The following MADD variants were observed in gnomAD, a reference collection of about 807,000 sequenced individuals.
MADD encodes the protein MAP kinase activating death domain.
A neutral mutation model predicts 176.7 loss-of-function variants in MADD; 109 were observed. The observed-to-expected ratio is 0.62, with a 90% CI of 0.53 to 0.72. The LOEUF is 0.72. MADD is among the 30% of genes least tolerant of loss of function. MADD has a pLI of 0.00. For synonymous variants in MADD, 771 were observed against 771.3 expected (o/e 1.00, Z 0.01); for missense variants, 1,914 against 2,045.5 (o/e 0.94, Z 1.24).
exon 3 of MADD, chr11:47,274,921 T>C: frequency 6.2e-7 from 1 of 1,613,908 alleles, no homozygotes; most frequent in Non-Finnish European, 8.5e-7. Flanking sequence ...GAGTGGCTCA[T>C]CCCTGCAGCC....
At chr11:47,280,470 A>T (rs1222287185) in intron 7 of MADD, among the ~76,000 whole-genome samples, 2 of 151,576 alleles carry the variant, frequency 1.3e-5, no homozygotes, top group African/African-American at 4.8e-5. Context: ...AGCTGCCTTC[A>T]CTTGCTGTGT....
chr11:47,269,602 G>A (rs980878863), upstream of MADD: 27 of 152,180 alleles, frequency 1.8e-4, no homozygotes, highest in African/African-American at 6.3e-4. Context: ...CGGGCGCCGC[G>A]GCGCGGCCAC....
At position 47,329,975 on chromosome 11, in the gene MADD, C is replaced by T. The variant is rs1379284203; in HGVS notation, c.*825C>T. 3 of 152,660 alleles carry T rather than the reference C, an allele frequency of 2.0e-5. No homozygotes were observed. The East Asian group carries it at 5.8e-4, about 29-fold the overall frequency. The allele number at this position is 152,660 out of a possible 1,614,324, so 9.5% of individuals were successfully genotyped here. On this transcript the variant is annotated 3_prime_UTR_variant, in exon 33 of 33. Transcript: ENST00000402192. ...AATGACTGTAAATATTTCAGCCCCACATTATTTATAGAAAATGTACAGTTG... is the reference window on the plus strand; with the variant it reads ...AATGACTGTAAATATTTCAGCCCCATATTATTTATAGAAAATGTACAGTTG...
chr11:47,276,385 CAT>C (rs2049886199), intron 4 of MADD, among the ~76,000 whole-genome samples, 183 bp downstream of exon 4: 1 of 152,204 alleles, frequency 6.6e-6, no homozygotes, highest in African/African-American at 2.4e-5. Context: ...ATACTGGTAT[CAT>C]GTGGGATGTA....
intron 20 of MADD, among the ~76,000 whole-genome samples, chr11:47,294,430 G>A (rs2068609900): frequency 1.3e-5 from 2 of 151,700 alleles, no homozygotes; most frequent in South Asian, 2.1e-4. Context: ...TTGGGAGGCC[G>A]AGGCAGGTGG....
chr11:47,286,409 G>A (rs369816782), intron 14 of MADD, 24 bp from the exon 15 acceptor site: 20 of 1,531,236 alleles, frequency 1.3e-5, no homozygotes, highest in Admixed American at 1.0e-4. Context: ...CCAAGTCATC[G>A]CTCTTGCACC....
At chr11:47,315,352 C>A in intron 27 of MADD, 25 bp downstream of exon 30, 2 of 1,438,940 alleles carry the variant, frequency 1.4e-6, no homozygotes, top group Non-Finnish European at 2.0e-6. Flanking sequence ...ATGCTGGGGG[C>A]CCAAAGGGCT....
At chr11:47,275,832 T>C (rs2049295793) in intron 3 of MADD, 67 bp from the exon 4 acceptor site, 2 of 1,428,524 alleles carry the variant, frequency 1.4e-6, no homozygotes, top group African/African-American at 2.8e-5. Context: ...TCTGTGGTGA[T>C]ACTGAGTTGC....
rs188315717 is a variant in MADD, at chr11:47,317,690, C to T, written c.4197+2363C>T. ...TGGGCTCAGATGTGGGCAACCTGAT[C>T]TGCCCACCAGAAAGTTCCTCATTTG... On this transcript the variant is annotated intron_variant, in intron 27 of 32. Transcript: ENST00000402192. Among the ~76,000 whole-genome samples the T allele has an allele frequency of 2.1e-3, 327 of 152,302 alleles. 3 individuals carry two copies. Among genetic ancestry groups the T allele is most frequent in the Admixed American group, 5.9e-3 (90 of 15,302 alleles).
chr11:47,272,805 C>T (rs1472465091), intron 1 of MADD, among the ~76,000 whole-genome samples: 1 of 152,190 alleles, frequency 6.6e-6, no homozygotes, highest in Admixed American at 6.5e-5. Flanking sequence ...TTCATAGCCT[C>T]TGTAATGTAT....
intron 26 of MADD, among the ~76,000 whole-genome samples, chr11:47,312,309 C>T (rs1170341697): frequency 2.0e-5 from 3 of 152,194 alleles, no homozygotes; most frequent in Non-Finnish European, 2.9e-5. Context: ...AGTGCAGTAG[C>T]GCAATCTTGG....
intron 12 of MADD, 53 bp downstream of exon 12, chr11:47,284,618 A>T: frequency 6.3e-7 from 1 of 1,577,140 alleles, no homozygotes; most frequent in Non-Finnish European, 8.6e-7. Context: ...TGTGGGCCTC[A>T]TCTATTAGGA....
At chr11:47,289,682 A>T (rs2063561536) in intron 16 of MADD, among the ~76,000 whole-genome samples, 185 bp from the exon 18 acceptor site, 1 of 152,150 alleles carries the variant, frequency 6.6e-6, no homozygotes, top group Non-Finnish European at 1.5e-5. Flanking sequence ...GAGGGGGGTT[A>T]ATCAGCAGCG....
At chr11:47,288,875 G>A in intron 15 of MADD, 93 bp from the exon 16 acceptor site, 1 of 941,222 alleles carries the variant, frequency 1.1e-6, no homozygotes. Flanking sequence ...AGCTTTGGGA[G>A]AATGCTCAGA....
intron 27 of MADD, among the ~76,000 whole-genome samples, chr11:47,323,132 G>A: frequency 6.6e-6 from 1 of 151,856 alleles, no homozygotes; most frequent in Admixed American, 6.6e-5. Flanking sequence ...CAGCTACTCG[G>A]GAGGCTGAGG....
intron 22 of MADD, among the ~76,000 whole-genome samples, chr11:47,297,218 T>C (rs138772804): frequency 5.6e-4 from 86 of 152,280 alleles, no homozygotes; most frequent in Admixed American, 1.7e-3. Context: ...AAGATAAAAG[T>C]TAAATGAAAC....
rs938010668 is a variant in MADD, at chr11:47,286,423, C to T, written c.2552-10C>T. ...GCCAAGTCATCGCTCTTGCACCCTC[C>T]CCTTGATAGGCAGCCTCTATCGGAA... is the stretch of plus-strand genomic sequence containing the variant. On this transcript the variant is annotated splice_polypyrimidine_tract_variant and intron_variant, in intron 14 of 32. Transcript: ENST00000402192. 1.9e-6 allele frequency: 3 copies of T among 1,601,308 alleles called. No individual in the cohort carries two copies. The highest frequency in any genetic ancestry group is 2.2e-5 in the South Asian group (2 of 90,826).
At chr11:47,323,683 T>C in exon 28 of MADD, 6 of 1,613,402 alleles carry the variant, frequency 3.7e-6, no homozygotes, top group Non-Finnish European at 5.1e-6. Flanking sequence ...GTGCGATGAC[T>C]GTGTGGTGTT....
chr11:47,303,318 T>A (rs892758750), intron 22 of MADD, among the ~76,000 whole-genome samples: 1 of 144,664 alleles, frequency 6.9e-6, no homozygotes, highest in Non-Finnish European at 1.5e-5. Context: ...CTCGGCTCAC[T>A]GCAAGCTCCG....
Sources: allele counts gnomAD v4.1 joint callset (sites outside exome capture counted in the v4.1 genomes callset), GRCh38; gene constraint gnomAD v4.1.1; transcripts MANE v1.5; gene names NCBI Gene and HGNC (gene_info 2026-07-23, HGNC 2026-07-21).